ADGRL3: variants seen among roughly 807,000 people sequenced by gnomAD.
The protein encoded by ADGRL3 is adhesion G protein-coupled receptor L3, also known as calcium-independent alpha-latrotoxin receptor 3.
ADGRL3 carries 62 observed loss-of-function variants against 153.5 expected under a neutral mutation model. The ratio of observed to expected loss-of-function variants is 0.40; its 90% CI spans 0.33 to 0.50. The LOEUF (loss-of-function observed/expected upper bound fraction) is 0.50, where lower values mean the gene tolerates loss of function less well. ADGRL3 is among the 20% of genes least tolerant of loss of function. The pLI, the probability that ADGRL3 is intolerant of heterozygous loss-of-function variation, is 0.47. For missense variants in ADGRL3, 1,641 were observed against 1,859.4 expected, an observed-to-expected ratio of 0.88 and a Z score of 2.16; for synonymous variants, 710 against 672.5, an observed-to-expected ratio of 1.06 and a Z score of -0.86.
chr4:61,665,314 G>A (rs959524706), intron 5 of ADGRL3, among the ~76,000 whole-genome samples: 1 of 152,208 alleles, frequency 6.6e-6, no homozygotes, highest in Admixed American at 6.5e-5. Context: ...TGGAGGCTGA[G>A]GCAAGGGAAT....
intron 17 of ADGRL3, among the ~76,000 whole-genome samples, chr4:61,974,670 A>C (rs1378383297): frequency 6.6e-6 from 1 of 152,216 alleles, no homozygotes; most frequent in African/African-American, 2.4e-5. Context: ...AAAAGTAACA[A>C]TGACTAAATT....
chr4:61,959,158 AG>A (rs978034202), intron 17 of ADGRL3, among the ~76,000 whole-genome samples: 1 of 152,206 alleles, frequency 6.6e-6, no homozygotes, highest in Non-Finnish European at 1.5e-5. Context: ...TTCATCTCTT[AG>A]TACTAATTCT....
chr4:61,407,279 T>TA (rs1236968008), intron 2 of ADGRL3, among the ~76,000 whole-genome samples: 2 of 152,032 alleles, frequency 1.3e-5, no homozygotes. Context: ...GTAAGGTGTT[T>TA]AAAAAATAAC....
At chr4:61,507,539 C>T (rs1374870699) in intron 3 of ADGRL3, among the ~76,000 whole-genome samples, 1 of 152,174 alleles carries the variant, frequency 6.6e-6, no homozygotes, top group African/African-American at 2.4e-5. Context: ...TTCATAAAAA[C>T]TAACGGAAAT....
chr4:61,665,608 A>C (rs756263483), intron 5 of ADGRL3, among the ~76,000 whole-genome samples: 11 of 152,246 alleles, frequency 7.2e-5, no homozygotes, highest in African/African-American at 9.6e-5. Context: ...GAATTAATCA[A>C]CTTAGAACCA....
At chr4:61,684,866 T>C (rs2095413655) in intron 6 of ADGRL3, among the ~76,000 whole-genome samples, 2 of 152,138 alleles carry the variant, frequency 1.3e-5, no homozygotes, top group African/African-American at 4.8e-5. Context: ...TTTGCAACTG[T>C]TGCTCTAGAG....
chr4:61,364,555 C>A (rs894125951), intron 1 of ADGRL3, among the ~76,000 whole-genome samples: 4 of 151,928 alleles, frequency 2.6e-5, no homozygotes, highest in African/African-American at 9.7e-5. Context: ...CTTTCTTCCA[C>A]AGGGCTTTAA....
intron 2 of ADGRL3, among the ~76,000 whole-genome samples, chr4:61,483,057 AT>A (rs1343389600): frequency 6.6e-6 from 1 of 152,188 alleles, no homozygotes; most frequent in African/African-American, 2.4e-5. Flanking sequence ...AGTGTAAAGA[AT>A]TCTAAGTGAG....
intron 8 of ADGRL3, among the ~76,000 whole-genome samples, chr4:61,811,373 T>A (rs1206852107): frequency 6.6e-6 from 1 of 151,976 alleles, no homozygotes; most frequent in African/African-American, 2.4e-5. Flanking sequence ...AAGAAGCTGA[T>A]CACAAAATAT....
intron 18 of ADGRL3, among the ~76,000 whole-genome samples, chr4:61,980,233 T>G (rs539882803): frequency 7.4e-4 from 112 of 152,024 alleles, no homozygotes; most frequent in Non-Finnish European, 9.7e-4. Context: ...AGTATAATTT[T>G]TTCACTGCCT....
chr4:61,294,028 T>C (rs563084662), intron 1 of ADGRL3, among the ~76,000 whole-genome samples: 3 of 152,312 alleles, frequency 2.0e-5, no homozygotes, highest in Admixed American at 2.0e-4. Context: ...CTTACAGTGG[T>C]TCAAAATGAT....
chr4:61,897,934 G>A (rs907538203), intron 11 of ADGRL3, among the ~76,000 whole-genome samples: 24 of 152,210 alleles, frequency 1.6e-4, no homozygotes, highest in African/African-American at 4.8e-4. Flanking sequence ...CAGGCCTGTA[G>A]GGTACCAGAT....
At chr4:61,403,954 G>A (rs569634465) in intron 2 of ADGRL3, among the ~76,000 whole-genome samples, 5 of 152,014 alleles carry the variant, frequency 3.3e-5, no homozygotes, top group South Asian at 2.1e-4. Flanking sequence ...AACCCTTATC[G>A]TCTTATTTAA....
intron 2 of ADGRL3, among the ~76,000 whole-genome samples, chr4:61,466,957 A>G (rs1163204473): frequency 6.6e-6 from 1 of 152,120 alleles, no homozygotes; most frequent in Non-Finnish European, 1.5e-5. Context: ...GTATTTAGCC[A>G]AATGCACAAA....
At chr4:61,324,045 G>A (rs2095417971) in intron 1 of ADGRL3, among the ~76,000 whole-genome samples, 1 of 152,152 alleles carries the variant, frequency 6.6e-6, no homozygotes, top group African/African-American at 2.4e-5. Context: ...ATGGCAGCAG[G>A]CAAAGAGAGA....
At chr4:62,045,053 G>T (rs1730388464) in intron 25 of ADGRL3, among the ~76,000 whole-genome samples, 3 of 152,046 alleles carry the variant, frequency 2.0e-5, no homozygotes, top group Admixed American at 6.6e-5. Flanking sequence ...TAGGAGAAAA[G>T]ATACTTTTGG....
chr4:61,253,417 G>A (rs1032894), intron 1 of ADGRL3, among the ~76,000 whole-genome samples: 150,140 of 152,256 alleles, frequency 0.99, 74,060 homozygotes, highest in East Asian at 1. Context: ...GACTCAGTGT[G>A]CTTATTGGAG....
chr4:61,672,577 C>T (rs2095044895), intron 5 of ADGRL3, among the ~76,000 whole-genome samples: 1 of 152,054 alleles, frequency 6.6e-6, no homozygotes, highest in African/African-American at 2.4e-5. Flanking sequence ...AAAAAGTGCT[C>T]AACTTCACTA....
At chr4:61,805,138 G>A (rs541752531) in intron 8 of ADGRL3, among the ~76,000 whole-genome samples, 6 of 151,636 alleles carry the variant, frequency 4.0e-5, no homozygotes, top group African/African-American at 1.5e-4. Flanking sequence ...TGTATTTTTA[G>A]GAGAGACGAG....
Sources: allele counts gnomAD v4.1 joint callset (sites outside exome capture counted in the v4.1 genomes callset), GRCh38; gene constraint gnomAD v4.1.1; transcripts MANE v1.5; gene names NCBI Gene and HGNC (gene_info 2026-07-23, HGNC 2026-07-21).